ZNF385D: variants seen among roughly 807,000 people sequenced by gnomAD.
ZNF385D encodes the protein zinc finger protein 659.
A neutral mutation model predicts 35.8 loss-of-function variants in ZNF385D; 15 were observed. The observed-to-expected ratio is 0.42, with a 90% CI of 0.28 to 0.64. The LOEUF (loss-of-function observed/expected upper bound fraction) is 0.64, where lower values mean the gene tolerates loss of function less well. Among genes scored for constraint, ZNF385D ranks in the 30% least tolerant of loss-of-function variants. The pLI, the probability that ZNF385D is intolerant of heterozygous loss-of-function variation, is 0.23. For missense variants in ZNF385D, 474 were observed against 494.6 expected (o/e 0.96, Z 0.39); for synonymous variants, 212 against 186.8 (o/e 1.13, Z -1.10).
chr3:21,614,584 A>G (rs954540667), intron 2 of ZNF385D, among the ~76,000 whole-genome samples: 13 of 152,020 alleles, frequency 8.6e-5, no homozygotes, highest in African/African-American at 3.1e-4. Flanking sequence ...CCTGAAGTAC[A>G]GATTTTTTGT....
At chr3:22,147,462 T>C (rs1704935379) in intron 3 of ZNF385D, among the ~76,000 whole-genome samples, 1 of 152,116 alleles carries the variant, frequency 6.6e-6, no homozygotes, top group Non-Finnish European at 1.5e-5. Context: ...GATATTCTCT[T>C]TTGCTGATGG....
chr3:22,119,160 T>C (rs1045350938), intron 3 of ZNF385D, among the ~76,000 whole-genome samples: 2 of 152,188 alleles, frequency 1.3e-5, no homozygotes, highest in Admixed American at 6.6e-5. Flanking sequence ...CTGATGAACT[T>C]TGCCATTGGC....
intron 2 of ZNF385D, among the ~76,000 whole-genome samples, chr3:22,254,188 A>G (rs1700199497): frequency 6.6e-6 from 1 of 152,030 alleles, no homozygotes; most frequent in African/African-American, 2.4e-5. Context: ...AAATGGAGTA[A>G]GAGACATATA....
intron 2 of ZNF385D, among the ~76,000 whole-genome samples, chr3:21,603,074 T>C (rs1310773005): frequency 6.6e-6 from 1 of 152,182 alleles, no homozygotes; most frequent in Non-Finnish European, 1.5e-5. Flanking sequence ...GAGTCCAGCT[T>C]AAATTTCATC....
chr3:22,234,131 G>T (rs1699046715), intron 2 of ZNF385D, among the ~76,000 whole-genome samples: 1 of 152,134 alleles, frequency 6.6e-6, no homozygotes, highest in Admixed American at 6.5e-5. Flanking sequence ...CACTAGGTAA[G>T]TAAATGCATT....
At chr3:21,909,777 C>T (rs1206481665) in intron 3 of ZNF385D, among the ~76,000 whole-genome samples, 4 of 151,920 alleles carry the variant, frequency 2.6e-5, no homozygotes, top group Non-Finnish European at 2.9e-5. Context: ...TTAAATTTAA[C>T]GAGTTTCCGT....
intron 2 of ZNF385D, among the ~76,000 whole-genome samples, chr3:22,359,334 C>G (rs1217392857): frequency 1.3e-5 from 2 of 151,606 alleles, no homozygotes; most frequent in Admixed American, 6.6e-5. Context: ...AAAAAATGAG[C>G]AGGTGTCTCA....
intron 3 of ZNF385D, among the ~76,000 whole-genome samples, chr3:22,093,777 C>A (rs557934687): frequency 6.6e-6 from 1 of 152,084 alleles, no homozygotes; most frequent in African/African-American, 2.4e-5. Flanking sequence ...ATAATTCCCA[C>A]AGTTGTTTAG....
intron 3 of ZNF385D, among the ~76,000 whole-genome samples, chr3:21,822,671 A>T (rs1438743605): frequency 6.6e-6 from 1 of 152,188 alleles, no homozygotes; most frequent in African/African-American, 2.4e-5. Flanking sequence ...CATACCCTGG[A>T]AAGAAGCCAA....
chr3:21,496,714 G>T (rs1048088571), intron 4 of ZNF385D, among the ~76,000 whole-genome samples: 1 of 151,452 alleles, frequency 6.6e-6, no homozygotes, highest in African/African-American at 2.4e-5. Flanking sequence ...TAATCAAATA[G>T]GCTTTCTCCC....
At chr3:21,861,678 T>C (rs1453218556) in intron 3 of ZNF385D, among the ~76,000 whole-genome samples, 1 of 152,150 alleles carries the variant, frequency 6.6e-6, no homozygotes, top group Non-Finnish European at 1.5e-5. Context: ...TATAAGAGCA[T>C]GTAGTAAATA....
chr3:22,220,379 T>G (rs1698179436), intron 2 of ZNF385D, among the ~76,000 whole-genome samples: 1 of 152,104 alleles, frequency 6.6e-6, no homozygotes, highest in Admixed American at 6.6e-5. Flanking sequence ...CAAAAAGTTA[T>G]CTCTGACTCT....
chr3:21,780,773 A>G (rs1211059295), intron 3 of ZNF385D, among the ~76,000 whole-genome samples: 1 of 151,988 alleles, frequency 6.6e-6, no homozygotes, highest in Non-Finnish European at 1.5e-5. Flanking sequence ...TCACCTGAGG[A>G]ATACTTCTCC....
At chr3:22,148,896 G>C (rs1705042198) in intron 3 of ZNF385D, among the ~76,000 whole-genome samples, 1 of 152,174 alleles carries the variant, frequency 6.6e-6, no homozygotes, top group Admixed American at 6.6e-5. Context: ...CAAGGGATGA[G>C]ATGACATGAA....
At chr3:22,365,564 T>C (rs926705357) in intron 2 of ZNF385D, among the ~76,000 whole-genome samples, 3 of 152,076 alleles carry the variant, frequency 2.0e-5, no homozygotes, top group African/African-American at 7.2e-5. Context: ...GAGTCTTCTA[T>C]GGTATGAAAC....
intron 2 of ZNF385D, among the ~76,000 whole-genome samples, chr3:22,366,129 T>C (rs1696646635): frequency 6.6e-6 from 1 of 152,114 alleles, no homozygotes; most frequent in Non-Finnish European, 1.5e-5. Context: ...GTTCAAAATT[T>C]GGCCCTTCCT....
chr3:22,096,319 G>C (rs1701620958), intron 3 of ZNF385D, among the ~76,000 whole-genome samples: 1 of 138,982 alleles, frequency 7.2e-6, no homozygotes, highest in East Asian at 2.0e-4. Flanking sequence ...GAATCTAAAA[G>C]TTGAAACTAT....
At chr3:21,787,912 A>T (rs2071760312) in intron 3 of ZNF385D, among the ~76,000 whole-genome samples, 1 of 141,990 alleles carries the variant, frequency 7.0e-6, no homozygotes, top group Non-Finnish European at 1.5e-5. Context: ...ACTGCACTCC[A>T]GCCTGGGCGA....
At chr3:21,880,632 C>T (rs565655) in intron 3 of ZNF385D, among the ~76,000 whole-genome samples, 44,634 of 151,724 alleles carry the variant, frequency 0.29, 6,631 homozygotes, top group Middle Eastern at 0.38. Context: ...CTACAATGGC[C>T]TCTAAGTGTT....
Sources: allele counts gnomAD v4.1 joint callset (sites outside exome capture counted in the v4.1 genomes callset), GRCh38; gene constraint gnomAD v4.1.1; transcripts MANE v1.5; gene names NCBI Gene and HGNC (gene_info 2026-07-23, HGNC 2026-07-21).